Variants in CALCOCO2 observed in about 807,000 individuals in gnomAD.
CALCOCO2 encodes calcium-binding and coiled-coil domain-containing protein 2.
CALCOCO2 carries 42 observed loss-of-function variants against 62.5 expected under a neutral mutation model. The ratio of observed to expected loss-of-function variants is 0.67; its 90% CI spans 0.53 to 0.87. The LOEUF (loss-of-function observed/expected upper bound fraction) is 0.87. Ranked by LOEUF, CALCOCO2 falls within the 40% of genes least tolerant of loss-of-function variation. CALCOCO2 has a pLI of 0.00. For synonymous variants in CALCOCO2, 167 were observed against 173.0 expected (o/e 0.97, Z 0.27); for missense variants, 456 against 515.0 (o/e 0.89, Z 1.11).
chr17:48,852,534 T>C lies in CALCOCO2; in HGVS notation c.731T>C (p.Met244Thr). ...QAQLSTQEKE[M>T]EKLVQGDQDK... ...CAGCTGTCAACTCAAGAGAAAGAAA[T>C]GGAGAAGCTTGTTCAGGGAGATCAA... is the stretch of plus-strand genomic sequence containing the variant. The change falls in exon 8 of 13, where the codon ATG (methionine) becomes ACG (threonine). Residue 244 changes from methionine to threonine, a missense_variant. Around this residue, in one of 3 missense-constraint regions of CALCOCO2, gnomAD observed 236 missense variants for 225.3 expected, o/e 1.05. Transcript: ENST00000258947. 5 of 1,613,474 alleles carry C rather than the reference T, an allele frequency of 3.1e-6. No individual in the cohort carries two copies. Among genetic ancestry groups the C allele is most frequent in the African/African-American group, 1.3e-5 (1 of 74,984 alleles).
At chr17:48,849,772 G>A (rs1283636108) in intron 5 of CALCOCO2, among the ~76,000 whole-genome samples, 1 of 151,970 alleles carries the variant, frequency 6.6e-6, no homozygotes, top group African/African-American at 2.4e-5. Flanking sequence ...CCAAAGTGCT[G>A]GGATTATAGG....
Position 48,849,308 on chromosome 17 carries a change from G to C in CALCOCO2, c.474G>C (p.Glu158Asp), listed in dbSNP as rs746865202. The change falls in exon 5 of 13, where the codon GAG (glutamate) becomes GAC (aspartate). Residue 158 changes from glutamate to aspartate, a missense_variant. By Grantham distance (45) the Glu-to-Asp change is conservative. This residue lies in a region of CALCOCO2 where 236 missense variants were observed against 225.3 expected (regional missense o/e 1.05). Transcript: ENST00000258947. ...AGGAGCTTTGCAAAGAAAACCAGGAGCTGAAGGACAGCTGTATCAGCCTCC... is the reference window on the plus strand; with the variant it reads ...AGGAGCTTTGCAAAGAAAACCAGGACCTGAAGGACAGCTGTATCAGCCTCC... ...HNKELCKENQ[E>D]LKDSCISLQK... 1.2e-6 allele frequency: 2 copies of C among 1,613,640 alleles called. No individual in the cohort carries two copies. Among genetic ancestry groups the C allele is most frequent in the South Asian group, 2.2e-5 (2 of 91,072 alleles).
rs761599572 is a variant in CALCOCO2 at position 48,856,072 on chromosome 17, A to T, written c.913-20A>T. The T allele has an allele frequency of 1.0e-5, 14 of 1,381,560 alleles. No individual in the cohort carries two copies. In the East Asian group the frequency reaches 2.3e-4, roughly 23 times the overall value. 85.6% of individuals were successfully genotyped at this position (1,381,560 alleles called of 1,614,324 possible). A position where few individuals can be genotyped will look rare whatever the true frequency, so the allele number is the denominator to read the frequency against. ...ACTGCAATATGTGATCCTAATCCTA[A>T]TTTTTTTTATTGTTGACAGGATGAA... On this transcript the variant is annotated intron_variant, in intron 9 of 12. Transcript: ENST00000258947.
chr17:48,841,374 C>G (rs1490787111), intron 1 of CALCOCO2, among the ~76,000 whole-genome samples: 5 of 152,030 alleles, frequency 3.3e-5, no homozygotes, highest in Non-Finnish European at 7.4e-5. Context: ...CCAGCTCAGG[C>G]TATTTTATCT....
In CALCOCO2 at chr17:48,862,940, G is replaced by A. The variant is rs1275615476; in HGVS notation, c.1276G>A (p.Asp426Asn). ...QPLCFNCPIC[D>N]KIFPATEKQI... ...CCTTTGTTTCAATTGTCCAATTTGT[G>A]ACAAGATCTTCCCAGCTACAGAGAA... The change falls in exon 13 of 13, where the codon GAC becomes AAC. Residue 426 changes from aspartate to asparagine, a missense_variant. Physicochemically the swap from Asp to Asn is conservative, Grantham distance 23. This residue lies in a region of CALCOCO2 where 172 missense variants were observed against 210.3 expected (regional missense o/e 0.82). Transcript: ENST00000258947. 1.2e-6 allele frequency: 2 copies of A among 1,613,790 alleles called. No homozygotes were observed. Among genetic ancestry groups the A allele is most frequent in the African/African-American group, 1.3e-5 (1 of 75,044 alleles).
intron 5 of CALCOCO2, among the ~76,000 whole-genome samples, chr17:48,850,342 G>A (rs139796633): frequency 0.12 from 17,262 of 148,822 alleles, 1,778 homozygotes; most frequent in African/African-American, 0.29. Flanking sequence ...CTGTAATCCC[G>A]GCTACTCAGG....
chr17:48,861,879 C>A, intron 11 of CALCOCO2, among the ~76,000 whole-genome samples: 1 of 151,552 alleles, frequency 6.6e-6, no homozygotes, highest in East Asian at 1.9e-4. Context: ...GAAACCCTGT[C>A]TCTACTAAAA....
intron 11 of CALCOCO2, among the ~76,000 whole-genome samples, chr17:48,862,067 C>T (rs1033517865): frequency 6.7e-6 from 1 of 150,336 alleles, no homozygotes; most frequent in Admixed American, 6.6e-5. Flanking sequence ...AAAAAAAATA[C>T]GATTTCATTA....
At position 48,862,309 on chromosome 17, in the gene CALCOCO2, G is replaced by C. The variant is rs544453163; in HGVS notation, c.1173+5G>C. On this transcript the variant is annotated splice_donor_5th_base_variant and intron_variant, in intron 12 of 12. Transcript: ENST00000258947. The stretch of plus-strand genomic sequence containing the variant: ...GAAAGTTCTTCCCCCAGCCCGGTAA[G>C]TATTTGATTCATGAGAATATTCCCA... The C allele has an allele frequency of 6.3e-7, 1 of 1,578,414 alleles. No individual in the cohort carries two copies. Among genetic ancestry groups the C allele is most frequent in the Admixed American group, 1.7e-5 (1 of 59,924 alleles).
chr17:48,847,975 A>G (rs1479081082), intron 2 of CALCOCO2, 89 bp from the exon 3 acceptor site: 5 of 735,926 alleles, frequency 6.8e-6, no homozygotes, highest in Non-Finnish European at 1.2e-5. Context: ...ATATATACAA[A>G]TAAAAAGTGA....
chr17:48,846,510 T>C, intron 2 of CALCOCO2: 1 of 1,440,784 alleles, frequency 6.9e-7, no homozygotes, highest in African/African-American at 1.4e-5. Context: ...GGACAGAAAT[T>C]GCAGGTGGCT....
At chr17:48,862,762 C>T in intron 12 of CALCOCO2, 76 bp from the exon 13 acceptor site, 2 of 1,165,042 alleles carry the variant, frequency 1.7e-6, no homozygotes, top group African/African-American at 1.5e-5. Flanking sequence ...ACTGAGGATA[C>T]AGTGGAAGAC....
intron 2 of CALCOCO2, among the ~76,000 whole-genome samples, chr17:48,845,145 AT>A (rs201692727): frequency 3.3e-5 from 5 of 151,630 alleles, no homozygotes; most frequent in Non-Finnish European, 5.9e-5. Flanking sequence ...CAAAAAAAAA[AT>A]TTTTTTTAAA....
chr17:48,853,324 G>A (rs1006703247), intron 9 of CALCOCO2: 3 of 225,290 alleles, frequency 1.3e-5, no homozygotes, highest in Non-Finnish European at 2.7e-5. Context: ...TACAATAGGG[G>A]CAGACAAATG....
intron 9 of CALCOCO2, among the ~76,000 whole-genome samples, chr17:48,854,908 G>A (rs1421776371): frequency 6.6e-6 from 1 of 152,102 alleles, no homozygotes; most frequent in Non-Finnish European, 1.5e-5. Flanking sequence ...TAAGGCAAAG[G>A]TAGAGGCCAG....
chr17:48,849,194 T>A (rs1286744130), intron 4 of CALCOCO2, 58 bp from the exon 5 acceptor site: 1 of 1,567,610 alleles, frequency 6.4e-7, no homozygotes, highest in African/African-American at 1.4e-5. Context: ...CATCCTAACC[T>A]ATGGGAATTT....
At chr17:48,858,061 G>GAATAC in intron 10 of CALCOCO2, among the ~76,000 whole-genome samples, 1 of 139,462 alleles carries the variant, frequency 7.2e-6, no homozygotes, top group African/African-American at 2.7e-5. Flanking sequence ...GAATAGAATA[G>GAATAC]AATAGAATAG....
At chr17:48,854,925 C>T (rs2040191419) in intron 9 of CALCOCO2, among the ~76,000 whole-genome samples, 1 of 152,066 alleles carries the variant, frequency 6.6e-6, no homozygotes, top group East Asian at 1.9e-4. Context: ...CCAGGAAAGC[C>T]TATTTCTTAG....
rs1444372727 is a variant in CALCOCO2, at chr17:48,862,295, C to T, written c.1164C>T (p.Ser388=). 3.1e-6 allele frequency: 5 copies of T among 1,592,766 alleles called. No homozygotes were observed. The highest frequency in any genetic ancestry group is 3.4e-6 in the Non-Finnish European group (4 of 1,160,694). The stretch of plus-strand genomic sequence containing the variant: ...TTTCAGGTATCCAAGAAAGTTCTTC[C>T]CCCAGCCCGGTAAGTATTTGATTCA... ...NPYSGIQESS[S]PSPLSIKKCP... The change falls in exon 12 of 13, where the codon TCC becomes TCT. Residue 388 remains serine (S), a synonymous_variant. Coordinates refer to ENST00000258947, the MANE Select transcript of CALCOCO2 (RefSeq NM_005831.5).
Sources: allele counts gnomAD v4.1 joint callset (sites outside exome capture counted in the v4.1 genomes callset), GRCh38; gene constraint gnomAD v4.1.1; regional missense constraint gnomAD v4.1.1; transcripts MANE v1.5; gene names NCBI Gene and HGNC (gene_info 2026-07-23, HGNC 2026-07-21).